The following THOC5 variants were observed in gnomAD, a reference collection of about 807,000 sequenced individuals.
The protein encoded by THOC5 is THO complex subunit 5.
In THOC5, 43 loss-of-function variants were observed where a neutral mutation model predicts 92.9. The observed-to-expected ratio is 0.46, with a 90% CI of 0.36 to 0.60. The LOEUF is 0.60. Ranked by LOEUF, THOC5 falls within the 20% of genes least tolerant of loss-of-function variation. The pLI, the probability that THOC5 is intolerant of heterozygous loss-of-function variation, is 0.00. For missense variants in THOC5, 659 were observed against 849.4 expected (o/e 0.78, Z 2.79); for synonymous variants, 296 against 320.1 (o/e 0.92, Z 0.80).
At chr22:29,512,221 C>A in intron 17 of THOC5, 85 bp from the exon 18 acceptor site, 1 of 1,017,170 alleles carries the variant, frequency 9.8e-7, no homozygotes, top group Non-Finnish European at 1.5e-6. Flanking sequence ...ACCCCTGAGG[C>A]TAGCTCAGAT....
chr22:29,522,947 G>C (rs1423754917), intron 12 of THOC5, among the ~76,000 whole-genome samples: 1 of 152,180 alleles, frequency 6.6e-6, no homozygotes, highest in South Asian at 2.1e-4. Flanking sequence ...GTTGCAGTGA[G>C]CTGAGATCGT....
chr22:29,529,604 A>G (rs966986046), intron 8 of THOC5, among the ~76,000 whole-genome samples: 2 of 152,078 alleles, frequency 1.3e-5, no homozygotes, highest in Admixed American at 6.6e-5. Flanking sequence ...AGAAATCCAC[A>G]CCTGTCCACA....
chr22:29,516,607 C>T (rs566278897), intron 17 of THOC5, among the ~76,000 whole-genome samples: 2 of 152,338 alleles, frequency 1.3e-5, no homozygotes, highest in Admixed American at 1.3e-4. Context: ...AAAGTGAGTG[C>T]AGGGACTGCA....
intron 19 of THOC5, among the ~76,000 whole-genome samples, chr22:29,508,976 GT>G (rs1172388124): frequency 1.3e-5 from 2 of 152,012 alleles, no homozygotes; most frequent in Non-Finnish European, 2.9e-5. Context: ...TTGAGGTTTA[GT>G]TTAGGTTTTG....
chr22:29,530,920 A>G (rs1016293337), intron 8 of THOC5, among the ~76,000 whole-genome samples: 1 of 152,182 alleles, frequency 6.6e-6, no homozygotes, highest in African/African-American at 2.4e-5. Context: ...TGGCAACCCT[A>G]TGTGAATCAC....
At chr22:29,515,902 C>T (rs2063324277) in intron 17 of THOC5, among the ~76,000 whole-genome samples, 1 of 152,110 alleles carries the variant, frequency 6.6e-6, no homozygotes, top group Non-Finnish European at 1.5e-5. Context: ...AATCCCAGCA[C>T]TTTGGAAGAA....
intron 1 of THOC5, among the ~76,000 whole-genome samples, chr22:29,552,056 G>A (rs1184700619): frequency 6.6e-6 from 1 of 152,212 alleles, no homozygotes; most frequent in African/African-American, 2.4e-5. Flanking sequence ...CGAGGTGCCA[G>A]GATTGCAGAC....
intron 19 of THOC5, 127 bp downstream of exon 19, chr22:29,510,979 G>T: frequency 1.0e-6 from 1 of 980,198 alleles, no homozygotes; most frequent in Non-Finnish European, 1.5e-6. Context: ...AGGTGGACCA[G>T]AGTGATAGGC....
chr22:29,539,181 T>C (rs1298275367), intron 6 of THOC5, 149 bp downstream of exon 6: 4 of 769,252 alleles, frequency 5.2e-6, no homozygotes, highest in Non-Finnish European at 8.1e-6. Context: ...GTTGGTGAAG[T>C]TTAAACTATC....
chr22:29,531,994 CT>C (rs970009340), intron 7 of THOC5, 31 bp from the exon 8 acceptor site: 1 of 1,609,682 alleles, frequency 6.2e-7, no homozygotes, highest in Non-Finnish European at 8.5e-7. Context: ...TTTGTTCTTC[CT>C]TTTTTAGCCA....
At chr22:29,522,588 A>G (rs1435263431) in intron 12 of THOC5, among the ~76,000 whole-genome samples, 1 of 152,170 alleles carries the variant, frequency 6.6e-6, no homozygotes, top group Non-Finnish European at 1.5e-5. Flanking sequence ...TGAACTTGGT[A>G]AAAATGATGA....
At position 29,541,889 on chromosome 22, in the gene THOC5, AAAAAATATATAT is replaced by A. The variant is rs1569230993; in HGVS notation, c.452+958_452+969del. The stretch of plus-strand genomic sequence containing the variant: ...AAAAAAAAAAAAAAAAAAAAAAAAA[AAAAAATATATAT>A]ATATATATATATATATATATATCCT... On this transcript the variant is annotated intron_variant, in intron 5 of 19. Transcript: ENST00000490103. Among the ~76,000 whole-genome samples the A allele has an allele frequency of 4.0e-4, 30 of 74,386 alleles. 1 individual carries two copies. The East Asian group carries it at 7.4e-3, about 18-fold the overall frequency. The allele number at this position is 74,386 out of a possible 152,430, so 48.8% of individuals were successfully genotyped here.
chr22:29,531,826 C>T lies in THOC5; in HGVS notation c.847+5G>A, dbSNP rs1464357167. 3.7e-6 allele frequency: 6 copies of T among 1,613,400 alleles called. No homozygotes were observed. Among genetic ancestry groups the T allele is most frequent in the Non-Finnish European group, 5.1e-6 (6 of 1,179,676 alleles). On this transcript the variant is annotated splice_donor_5th_base_variant and intron_variant, in intron 8 of 19. Coordinates refer to ENST00000490103, the MANE Select transcript of THOC5 (RefSeq NM_003678.5). ...CCCTTGTCCTCACCCAGGCCCCATACTCACCACAGGCCTGCCCATACGCAG... is the reference window on the plus strand; with the variant it reads ...CCCTTGTCCTCACCCAGGCCCCATATTCACCACAGGCCTGCCCATACGCAG...
At chr22:29,514,369 T>C (rs1202115570) in intron 17 of THOC5, among the ~76,000 whole-genome samples, 3 of 147,818 alleles carry the variant, frequency 2.0e-5, no homozygotes, top group Non-Finnish European at 4.5e-5. Flanking sequence ...CAGGCTGGAG[T>C]GCAGTGGCGC....
intron 12 of THOC5, among the ~76,000 whole-genome samples, chr22:29,524,566 G>T (rs997911687): frequency 4.6e-5 from 7 of 152,142 alleles, no homozygotes; most frequent in African/African-American, 1.7e-4. Flanking sequence ...ACGATCTGGG[G>T]GCCCTGGAAC....
intron 9 of THOC5, among the ~76,000 whole-genome samples, chr22:29,528,768 AAT>A: frequency 6.6e-6 from 1 of 152,232 alleles, no homozygotes; most frequent in Middle Eastern, 3.4e-3. Flanking sequence ...TAACACAAAT[AAT>A]AATAATAGTA....
At chr22:29,514,859 C>G (rs565204892) in intron 17 of THOC5, among the ~76,000 whole-genome samples, 18 of 151,844 alleles carry the variant, frequency 1.2e-4, no homozygotes, top group Non-Finnish European at 2.5e-4. Flanking sequence ...GTGCCCACCA[C>G]CAACCCCGGC....
intron 8 of THOC5, chr22:29,531,235 T>C: frequency 3.9e-6 from 4 of 1,023,188 alleles, no homozygotes; most frequent in Non-Finnish European, 4.7e-6. Context: ...TGGTGCGGTG[T>C]ATGTCTGTCT....
At chr22:29,523,573 C>A (rs2063486899) in intron 12 of THOC5, among the ~76,000 whole-genome samples, 2 of 152,328 alleles carry the variant, frequency 1.3e-5, no homozygotes, top group Non-Finnish European at 2.9e-5. Context: ...AAAATCCAGA[C>A]TAGGTAGAAC....
Sources: allele counts gnomAD v4.1 joint callset (sites outside exome capture counted in the v4.1 genomes callset), GRCh38; gene constraint gnomAD v4.1.1; transcripts MANE v1.5; gene names NCBI Gene and HGNC (gene_info 2026-07-23, HGNC 2026-07-21).